LHFPL3: variants seen among roughly 807,000 people sequenced by gnomAD.
LHFPL3 encodes LHFPL tetraspan subfamily member 3 protein.
A neutral mutation model predicts 19.3 loss-of-function variants in LHFPL3; 5 were observed. That is an observed-to-expected ratio of 0.26 (90% CI 0.14 to 0.54). LHFPL3 has a LOEUF of 0.54. LHFPL3 is among the 20% of genes least tolerant of loss of function. LHFPL3 has a pLI of 0.94. For missense variants in LHFPL3, 249 were observed against 307.4 expected, an observed-to-expected ratio of 0.81 and a Z score of 1.42; for synonymous variants, 133 against 126.2, an observed-to-expected ratio of 1.05 and a Z score of -0.36.
At chr7:104,372,089 T>C (rs1790627611) in intron 1 of LHFPL3, among the ~76,000 whole-genome samples, 1 of 152,240 alleles carries the variant, frequency 6.6e-6, no homozygotes, top group African/African-American at 2.4e-5. Flanking sequence ...TTTGTTACTG[T>C]TCCAAACAGT....
chr7:104,537,965 C>T (rs1393285580), intron 1 of LHFPL3, among the ~76,000 whole-genome samples: 1 of 152,140 alleles, frequency 6.6e-6, no homozygotes, highest in Non-Finnish European at 1.5e-5. Flanking sequence ...CTATACAGAT[C>T]ATAGTGAATA....
chr7:104,404,145 T>TTAG (rs939706575), intron 1 of LHFPL3, among the ~76,000 whole-genome samples: 1 of 152,170 alleles, frequency 6.6e-6, no homozygotes, highest in African/African-American at 2.4e-5. Context: ...TCTAGAGAGA[T>TTAG]AATAGAGTAC....
intron 2 of LHFPL3, among the ~76,000 whole-genome samples, chr7:104,903,558 G>A (rs545794625): frequency 1.5e-4 from 23 of 150,560 alleles, no homozygotes; most frequent in Non-Finnish European, 2.2e-4. Context: ...TCTGCCTCCC[G>A]GGTTCAAGTG....
At chr7:104,590,848 A>T (rs1466480913) in intron 1 of LHFPL3, among the ~76,000 whole-genome samples, 1 of 152,042 alleles carries the variant, frequency 6.6e-6, no homozygotes, top group African/African-American at 2.4e-5. Context: ...TGTTGAATTG[A>T]TCCCTTTACC....
intron 1 of LHFPL3, among the ~76,000 whole-genome samples, chr7:104,477,112 C>T (rs779811840): frequency 2.0e-4 from 30 of 152,140 alleles, no homozygotes; most frequent in African/African-American, 3.9e-4. Flanking sequence ...ACCTCAGCCT[C>T]CCAAGTAGCT....
chr7:104,438,480 A>C (rs1030807283), intron 1 of LHFPL3, among the ~76,000 whole-genome samples: 1 of 152,332 alleles, frequency 6.6e-6, no homozygotes, highest in Admixed American at 6.5e-5. Context: ...ATAATTCTTT[A>C]TGAATTTTGT....
At position 104,906,285 on chromosome 7, in the gene LHFPL3, T is replaced by C. The variant is rs577978343; in HGVS notation, c.*70T>C. 67 of 1,507,778 alleles carry C rather than the reference T, an allele frequency of 4.4e-5. 2 individuals are homozygous for C. Among genetic ancestry groups the C allele is most frequent in the South Asian group, 2.1e-4 (18 of 84,148 alleles). 93.4% of individuals were successfully genotyped at this position (1,507,778 alleles called of 1,614,324 possible). On this transcript the variant is annotated 3_prime_UTR_variant, in exon 3 of 3. Coordinates refer to ENST00000424859, the MANE Select transcript of LHFPL3 (RefSeq NM_199000.3). ...TAAACGAATCGAATAACAGCTTTTG[T>C]ACATCAACATCAAGAAGGAATACGC...
chr7:104,393,256 G>T (rs1439490474), intron 1 of LHFPL3, among the ~76,000 whole-genome samples: 1 of 152,082 alleles, frequency 6.6e-6, no homozygotes, highest in Non-Finnish European at 1.5e-5. Flanking sequence ...AAATAGTCTG[G>T]CAGTTTCTCC....
intron 1 of LHFPL3, among the ~76,000 whole-genome samples, chr7:104,608,661 TAAAAA>T (rs1791153625): frequency 6.6e-6 from 1 of 151,524 alleles, no homozygotes; most frequent in South Asian, 2.1e-4. Flanking sequence ...ATAATAATAA[TAAAAA>T]GAAAAAGGGG....
chr7:104,841,520 G>A (rs1168643333), intron 2 of LHFPL3, among the ~76,000 whole-genome samples: 1 of 151,798 alleles, frequency 6.6e-6, no homozygotes, highest in African/African-American at 2.4e-5. Flanking sequence ...GTGTGTGTGT[G>A]TGTGTGTGTC....
chr7:104,343,845 CTTGAG>C (rs1409973201), intron 1 of LHFPL3, among the ~76,000 whole-genome samples: 1 of 151,918 alleles, frequency 6.6e-6, no homozygotes, highest in African/African-American at 2.4e-5. Context: ...TTTCTTGAGT[CTTGAG>C]TTTTGTGTTA....
intron 1 of LHFPL3, among the ~76,000 whole-genome samples, chr7:104,397,027 T>C (rs1791204589): frequency 6.6e-6 from 1 of 152,180 alleles, no homozygotes; most frequent in Non-Finnish European, 1.5e-5. Context: ...GTATTTTGCT[T>C]GGTTGGATTA....
At chr7:104,563,706 C>T (rs1049302761) in intron 1 of LHFPL3, among the ~76,000 whole-genome samples, 11 of 89,700 alleles carry the variant, frequency 1.2e-4, no homozygotes, top group African/African-American at 1.4e-4. Flanking sequence ...TTGGCTCCTC[C>T]GGAGACTTTA....
intron 2 of LHFPL3, among the ~76,000 whole-genome samples, chr7:104,807,215 T>G (rs1365666137): frequency 6.6e-6 from 1 of 151,978 alleles, no homozygotes; most frequent in Non-Finnish European, 1.5e-5. Flanking sequence ...CAGACAGACA[T>G]GCACAGAGAG....
At chr7:104,471,972 G>C (rs1189593172) in intron 1 of LHFPL3, among the ~76,000 whole-genome samples, 2 of 152,076 alleles carry the variant, frequency 1.3e-5, no homozygotes, top group Non-Finnish European at 2.9e-5. Context: ...GGCCCCAGGA[G>C]TTCAAGATCA....
At chr7:104,635,192 A>G (rs1791709123) in intron 1 of LHFPL3, among the ~76,000 whole-genome samples, 2 of 152,170 alleles carry the variant, frequency 1.3e-5, no homozygotes, top group African/African-American at 2.4e-5. Context: ...AAGAAAATAG[A>G]GTGTCAATCC....
chr7:104,555,909 A>T (rs546002180), intron 1 of LHFPL3, among the ~76,000 whole-genome samples: 21 of 152,348 alleles, frequency 1.4e-4, no homozygotes, highest in African/African-American at 4.3e-4. Context: ...ATTGACCAAA[A>T]CAAAGGGGCT....
intron 2 of LHFPL3, among the ~76,000 whole-genome samples, chr7:104,829,900 C>T (rs1790916814): frequency 6.6e-6 from 1 of 151,962 alleles, no homozygotes; most frequent in Non-Finnish European, 1.5e-5. Context: ...CCTGAGGAAT[C>T]ACCACACTGA....
At chr7:104,374,206 A>ATGTGTGTGTG (rs200857759) in intron 1 of LHFPL3, among the ~76,000 whole-genome samples, 24 of 81,278 alleles carry the variant, frequency 3.0e-4, no homozygotes, top group African/African-American at 8.6e-4. Context: ...ATCTATCTAT[A>ATGTGTGTGTG]TATGTGTGTG....
Sources: allele counts gnomAD v4.1 joint callset (sites outside exome capture counted in the v4.1 genomes callset), GRCh38; gene constraint gnomAD v4.1.1; transcripts MANE v1.5; gene names NCBI Gene and HGNC (gene_info 2026-07-23, HGNC 2026-07-21).